Variants in FANCB observed in about 807,000 individuals in gnomAD.
FANCB encodes Fanconi anemia group B protein.
FANCB carries 5 observed loss-of-function variants against 38.9 expected under a neutral mutation model. The ratio of observed to expected loss-of-function variants is 0.13; its 90% confidence interval spans 0.07 to 0.27. FANCB has a LOEUF of 0.27. Among genes scored for constraint, FANCB ranks in the 10% least tolerant of loss-of-function variants. The pLI is 1.00. For missense variants in FANCB, 573 were observed against 602.7 expected, an observed-to-expected ratio of 0.95 and a Z score of 0.52; for synonymous variants, 236 against 215.4, an observed-to-expected ratio of 1.10 and a Z score of -0.84.
the FANCB span, among the ~76,000 whole-genome samples, chrX:14,695,150 T>C: frequency 1.0e-5 from 1 of 97,408 alleles, no homozygotes; most frequent in Non-Finnish European, 2.2e-5. Context: ...CACATTGAGA[T>C]AACAGAAACA....
At chrX:14,835,398 A>G, downstream of FANCB, 8 of 378,773 alleles carry the variant, frequency 2.1e-5, no homozygotes, top group South Asian at 2.0e-4. Flanking sequence ...AGAGCCGCGC[A>G]GGACAGAATC....
chrX:14,823,846 T>C, the FANCB span, among the ~76,000 whole-genome samples: 1 of 111,474 alleles, frequency 9.0e-6, no homozygotes, highest in African/African-American at 3.3e-5. Context: ...CCCCCAGTCA[T>C]ACATTTGTTC....
At chrX:14,809,788 C>G in the FANCB span, among the ~76,000 whole-genome samples, 2 of 112,745 alleles carry the variant, frequency 1.8e-5, no homozygotes, top group Non-Finnish European at 1.9e-5. Context: ...GTAACCCCTG[C>G]AGACTTAAAT....
At chrX:14,718,208 G>C in the FANCB span, among the ~76,000 whole-genome samples, 3 of 111,355 alleles carry the variant, frequency 2.7e-5, no homozygotes, top group South Asian at 3.7e-4. Flanking sequence ...ACTGCACAGA[G>C]AGCCACTAGC....
chrX:14,736,330 G>T, the FANCB span, among the ~76,000 whole-genome samples: 96 of 111,254 alleles, frequency 8.6e-4, 1 homozygote, highest in African/African-American at 3.0e-3. Flanking sequence ...CCAAATGGCC[G>T]CCCAGTTTAG....
the FANCB span, among the ~76,000 whole-genome samples, chrX:14,776,275 T>A: frequency 8.9e-6 from 1 of 111,766 alleles, no homozygotes; most frequent in South Asian, 3.8e-4. Flanking sequence ...AAGCAAGTAG[T>A]TCAGACTGAT....
chrX:14,696,442 G>A, the FANCB span, among the ~76,000 whole-genome samples: 1 of 111,781 alleles, frequency 8.9e-6, no homozygotes, highest in Non-Finnish European at 1.9e-5. Context: ...CTAAGGTTGG[G>A]TTGAGAAAAA....
At chrX:14,830,867 C>T in the FANCB span, among the ~76,000 whole-genome samples, 1 of 112,542 alleles carries the variant, frequency 8.9e-6, no homozygotes, top group Non-Finnish European at 1.9e-5. Context: ...TGTGATTTTT[C>T]CATGAAACCA....
intron 3 of FANCB, among the ~76,000 whole-genome samples, chrX:14,859,923 C>A (rs2092439487): frequency 9.0e-6 from 1 of 111,291 alleles, no homozygotes; most frequent in African/African-American, 3.3e-5. Flanking sequence ...AAACCTTAAA[C>A]CCTGATGTGG....
At chrX:14,717,362 G>A in the FANCB span, among the ~76,000 whole-genome samples, 7 of 101,441 alleles carry the variant, frequency 6.9e-5, no homozygotes, top group African/African-American at 1.8e-4. Context: ...AAAAAAAAAA[G>A]TAGATATCAA....
chrX:14,695,405 C>T, the FANCB span, among the ~76,000 whole-genome samples: 1 of 111,768 alleles, frequency 8.9e-6, no homozygotes, highest in African/African-American at 3.2e-5. Context: ...ATTCACATTG[C>T]AGTGAAAGGA....
Position 14,864,678 on chromosome X carries a change from T to C in FANCB, c.833A>G (p.Gln278Arg), listed in dbSNP as rs150435015. 3.5e-5 allele frequency: 42 copies of C among 1,208,621 alleles called. No homozygotes were observed. Among genetic ancestry groups the C allele is most frequent in the Non-Finnish European group, 4.1e-5 (37 of 893,627 alleles). The change falls in exon 3 of 10, where the codon CAG becomes CGG. Residue 278 changes from glutamine (Q) to arginine (R), a missense_variant. Transcript: ENST00000650831. Reference sequence around the variant, plus strand: ...TGCACAAGGATCTCCAAATGGAAGCTGGCACACATTTTTAGGAGTTCCATT... The same window carrying C: ...TGCACAAGGATCTCCAAATGGAAGCCGGCACACATTTTTAGGAGTTCCATT... ...FQNGTPKNVC[Q>R]LPFGDPCAVQ...
chrX:14,772,126 TG>T, the FANCB span, among the ~76,000 whole-genome samples: 1 of 111,030 alleles, frequency 9.0e-6, no homozygotes, highest in Non-Finnish European at 1.9e-5. Context: ...GCTGCAGATG[TG>T]CTGTGTTGGG....
the FANCB span, among the ~76,000 whole-genome samples, chrX:14,803,374 A>G: frequency 8.9e-6 from 1 of 111,951 alleles, no homozygotes; most frequent in African/African-American, 3.3e-5. Context: ...GGATTTCAAG[A>G]CCTGTATGTT....
At chrX:14,717,520 A>G in the FANCB span, among the ~76,000 whole-genome samples, 1 of 110,974 alleles carries the variant, frequency 9.0e-6, no homozygotes, top group Non-Finnish European at 1.9e-5. Context: ...TTCATTCACA[A>G]TCTTTACCTG....
chrX:14,694,949 G>A, the FANCB span, among the ~76,000 whole-genome samples: 8 of 111,971 alleles, frequency 7.1e-5, no homozygotes, highest in African/African-American at 1.9e-4. Flanking sequence ...TGTGACAAGC[G>A]CAGATTTGGA....
chrX:14,796,535 T>C, the FANCB span, among the ~76,000 whole-genome samples: 2 of 98,409 alleles, frequency 2.0e-5, no homozygotes, highest in East Asian at 3.0e-4. Flanking sequence ...TAATCTATTA[T>C]ATATGTTATA....
the FANCB span, among the ~76,000 whole-genome samples, chrX:14,792,757 C>T: frequency 2.9e-4 from 32 of 111,565 alleles, no homozygotes; most frequent in African/African-American, 9.8e-4. Flanking sequence ...CATTGTAAGA[C>T]AATTTTTTTC....
At chrX:14,850,983 T>C (rs770684178) in intron 6 of FANCB, among the ~76,000 whole-genome samples, 1 of 111,619 alleles carries the variant, frequency 9.0e-6, no homozygotes, top group South Asian at 3.7e-4. Flanking sequence ...TGATAATATG[T>C]ACCCCAGTTA....
Sources: allele counts gnomAD v4.1 joint callset (sites outside exome capture counted in the v4.1 genomes callset), GRCh38; gene constraint gnomAD v4.1.1; transcripts MANE v1.5; gene names NCBI Gene and HGNC (gene_info 2026-07-23, HGNC 2026-07-21).